The following GDA variants were observed in gnomAD, a reference collection of about 807,000 sequenced individuals.
GDA encodes guanine deaminase.
A neutral mutation model predicts 59.6 loss-of-function variants in GDA; 18 were observed. The observed-to-expected ratio is 0.30, with a 90% CI of 0.21 to 0.45. The LOEUF (loss-of-function observed/expected upper bound fraction) is 0.45, where lower values mean the gene tolerates loss of function less well. Ranked by LOEUF, GDA falls within the 20% of genes least tolerant of loss-of-function variation. The pLI, the probability that GDA is intolerant of heterozygous loss-of-function variation, is 1.00. For synonymous variants in GDA, 201 were observed against 201.1 expected, an observed-to-expected ratio of 1.00 and a Z score of 0.00; for missense variants, 427 against 552.3, an observed-to-expected ratio of 0.77 and a Z score of 2.27.
At position 72,160,721 on chromosome 9, in the gene GDA, G is replaced by A. The variant is rs369386334; in HGVS notation, c.123+11039G>A. On this transcript the variant is annotated intron_variant, in intron 1 of 13. Coordinates refer to ENST00000358399, the MANE Select transcript of GDA (RefSeq NM_004293.5). ...CATGCACATGTTTAAAAAAGCAGCT[G>A]GTTAAAAAAAATCTTTGTATGGTTT... is the stretch of plus-strand genomic sequence containing the variant. Among the ~76,000 whole-genome samples, 14 of 152,234 alleles carry A rather than the reference G, an allele frequency of 9.2e-5. No homozygotes were observed. The East Asian group carries it at 2.5e-3, about 27-fold the overall frequency.
chr9:72,156,672 G>C (rs1399913878), intron 1 of GDA, among the ~76,000 whole-genome samples: 1 of 152,182 alleles, frequency 6.6e-6, no homozygotes, highest in Non-Finnish European at 1.5e-5. Context: ...ACCTGAATTT[G>C]ATCAGTCCAT....
rs77270534 is a variant in GDA at position 72,183,028 on chromosome 9, A to G, written c.124-12472A>G. 1.7e-3 allele frequency among the ~76,000 whole-genome samples: 252 copies of G among 152,212 alleles called. 4 individuals carry two copies. The highest frequency in any genetic ancestry group is 5.8e-3 in the African/African-American group (240 of 41,528). ...ACTTCCTTACTTTTGGCACAAAATT[A>G]TGTTCTAGATTCATCTTGTATTTTC... is the stretch of plus-strand genomic sequence containing the variant. On this transcript the variant is annotated intron_variant, in intron 1 of 13. Coordinates refer to ENST00000358399, the MANE Select transcript of GDA (RefSeq NM_004293.5).
At chr9:72,209,419 T>C (rs1456582049) in intron 3 of GDA, among the ~76,000 whole-genome samples, 1 of 152,160 alleles carries the variant, frequency 6.6e-6, no homozygotes, top group Non-Finnish European at 1.5e-5. Context: ...CCACATTTCA[T>C]TTATAATATT....
intron 6 of GDA, among the ~76,000 whole-genome samples, chr9:72,222,214 A>G (rs1226762177): frequency 6.6e-6 from 1 of 152,172 alleles, no homozygotes; most frequent in East Asian, 1.9e-4. Context: ...CAACCTCACC[A>G]GTATCTGCTA....
intron 5 of GDA, 117 bp downstream of exon 5, chr9:72,214,108 T>TC: frequency 3.2e-6 from 2 of 626,436 alleles, no homozygotes; most frequent in Non-Finnish European, 2.9e-6. Flanking sequence ...GATGTGCACA[T>TC]AGTGACTCAG....
At chr9:72,175,912 A>G (rs1830495774) in intron 1 of GDA, among the ~76,000 whole-genome samples, 1 of 152,260 alleles carries the variant, frequency 6.6e-6, no homozygotes, top group Admixed American at 6.5e-5. Flanking sequence ...ACTGCAATGT[A>G]ACCTCAGTGT....
chr9:72,241,736 T>A (rs887446727), intron 11 of GDA, among the ~76,000 whole-genome samples: 5 of 151,888 alleles, frequency 3.3e-5, no homozygotes, highest in Admixed American at 2.0e-4. Context: ...TACAAAAAAA[T>A]ACAAAAATTA....
At chr9:72,151,456 A>G (rs1392589005) in intron 1 of GDA, among the ~76,000 whole-genome samples, 1 of 152,190 alleles carries the variant, frequency 6.6e-6, no homozygotes, top group Non-Finnish European at 1.5e-5. Context: ...GACATCCCCC[A>G]TTTCAAAATG....
In GDA at chr9:72,177,126, T is replaced by A. The variant is rs144302215; in HGVS notation, c.124-18374T>A. On this transcript the variant is annotated intron_variant, in intron 1 of 13. Coordinates refer to ENST00000358399, the MANE Select transcript of GDA (RefSeq NM_004293.5). Reference sequence around the variant, plus strand: ...TTTTTTTTTTTTTTTTGAGATGGAGTCTTGCACTGTTGCCTGGGCTGGAGT... The same window carrying A: ...TTTTTTTTTTTTTTTTGAGATGGAGACTTGCACTGTTGCCTGGGCTGGAGT... Among the ~76,000 whole-genome samples, 287 of 131,302 alleles carry A rather than the reference T, an allele frequency of 2.2e-3. 3 individuals carry two copies. The highest frequency in any genetic ancestry group is 8.0e-3 in the African/African-American group (276 of 34,350). The allele number at this position is 131,302 out of a possible 152,430, so 86.1% of individuals were successfully genotyped here.
intron 1 of GDA, among the ~76,000 whole-genome samples, chr9:72,140,903 A>G (rs1826416564): frequency 6.6e-6 from 1 of 152,152 alleles, no homozygotes; most frequent in South Asian, 2.1e-4. Flanking sequence ...TACACCTGTA[A>G]TCCCAGGGCT....
chr9:72,136,740 C>T, intron 1 of GDA, among the ~76,000 whole-genome samples: 1 of 152,120 alleles, frequency 6.6e-6, no homozygotes, highest in South Asian at 2.1e-4. Flanking sequence ...CTTTGGTAGG[C>T]CGAGGTGGGC....
At chr9:72,117,132 T>C (rs939832967) in intron 1 of GDA, among the ~76,000 whole-genome samples, 3 of 152,128 alleles carry the variant, frequency 2.0e-5, no homozygotes, top group Non-Finnish European at 4.4e-5. Flanking sequence ...TGCATAGTAT[T>C]CCATTGTGTA....
intron 1 of GDA, among the ~76,000 whole-genome samples, chr9:72,188,604 C>T (rs1832133783): frequency 6.6e-6 from 1 of 152,204 alleles, no homozygotes. Flanking sequence ...GAGCCCCAGG[C>T]AGAGACTTGT....
chr9:72,228,243 A>G lies in GDA; in HGVS notation c.920+203A>G, dbSNP rs1837856546. 3 of 531,156 alleles carry G rather than the reference A, an allele frequency of 5.6e-6. No homozygotes were observed. In the South Asian group the frequency reaches 6.8e-5, roughly 12 times the overall value. The allele number at this position is 531,156 out of a possible 1,614,324, so 32.9% of individuals were successfully genotyped here. A position where few individuals can be genotyped will look rare whatever the true frequency, so the allele number is the denominator to read the frequency against. ...GACATTTATCTCAGAGGACACGTGA[A>G]GAGCACAGCATCTTCTGAAATCTCT... On this transcript the variant is annotated intron_variant, in intron 9 of 13. Coordinates refer to ENST00000358399, the MANE Select transcript of GDA (RefSeq NM_004293.5).
At chr9:72,233,415 T>C (rs1222815924) in intron 10 of GDA, among the ~76,000 whole-genome samples, 1 of 152,186 alleles carries the variant, frequency 6.6e-6, no homozygotes, top group Non-Finnish European at 1.5e-5. Context: ...GAAATCATGG[T>C]TCTATGAAAA....
chr9:72,243,251 T>C (rs1472884311), intron 11 of GDA, among the ~76,000 whole-genome samples: 1 of 152,212 alleles, frequency 6.6e-6, no homozygotes, highest in Non-Finnish European at 1.5e-5. Flanking sequence ...GGGATCTCTG[T>C]GCAACAATTT....
At chr9:72,188,184 G>A (rs1832083882) in intron 1 of GDA, among the ~76,000 whole-genome samples, 3 of 152,220 alleles carry the variant, frequency 2.0e-5, no homozygotes, top group Admixed American at 2.0e-4. Context: ...GGAACCAAGA[G>A]ACCATTTACT....
chr9:72,204,139 T>C (rs1268674916), intron 3 of GDA, among the ~76,000 whole-genome samples: 2 of 152,138 alleles, frequency 1.3e-5, no homozygotes, highest in Non-Finnish European at 2.9e-5. Flanking sequence ...ATTTATACAC[T>C]TGCCTCACGT....
chr9:72,215,121 G>A (rs75207178), intron 5 of GDA, among the ~76,000 whole-genome samples: 1 of 152,300 alleles, frequency 6.6e-6, no homozygotes, highest in African/African-American at 2.4e-5. Context: ...GGGTATGCAA[G>A]AATACTTGCT....
Sources: allele counts gnomAD v4.1 joint callset (sites outside exome capture counted in the v4.1 genomes callset), GRCh38; gene constraint gnomAD v4.1.1; transcripts MANE v1.5; gene names NCBI Gene and HGNC (gene_info 2026-07-23, HGNC 2026-07-21).